The following SELP variants were observed in gnomAD, a reference collection of about 807,000 sequenced individuals.
SELP encodes the protein P-selectin.
In SELP, 92 loss-of-function variants were observed where a neutral mutation model predicts 104.1. The observed-to-expected ratio is 0.88, with a 90% CI of 0.75 to 1.05. The LOEUF (loss-of-function observed/expected upper bound fraction) is 1.05, where lower values mean the gene tolerates loss of function less well. Among genes scored for constraint, SELP ranks in the 50% least tolerant of loss-of-function variants. The pLI, the probability that SELP is intolerant of heterozygous loss-of-function variation, is 0.00. For synonymous variants in SELP, 397 were observed against 364.5 expected (o/e 1.09, Z -1.01); for missense variants, 1,022 against 1,017.3 (o/e 1.00, Z -0.06).
chr1:169,593,123 G>T (rs1476818894), intron 14 of SELP, among the ~76,000 whole-genome samples: 2 of 152,126 alleles, frequency 1.3e-5, no homozygotes, highest in African/African-American at 4.8e-5. Context: ...GATTTCACCT[G>T]TCTCCCCTAC....
At chr1:169,610,819 A>C (rs1310980004) in intron 7 of SELP, among the ~76,000 whole-genome samples, 11 of 148,632 alleles carry the variant, frequency 7.4e-5, no homozygotes, top group Non-Finnish European at 1.2e-4. Flanking sequence ...AACAAACAAA[A>C]ACACCAAAAT....
At position 169,596,315 on chromosome 1, in the gene SELP, A is replaced by G. The variant is rs139448505; in HGVS notation, c.1892-181T>C. Among the ~76,000 whole-genome samples, 331 of 152,344 alleles carry G rather than the reference A, an allele frequency of 2.2e-3. 3 individuals are homozygous for G. The highest frequency in any genetic ancestry group is 3.6e-3 in the Non-Finnish European group (247 of 68,026). On this transcript the variant is annotated intron_variant, in intron 11 of 16. Transcript: ENST00000263686. ...CAGAGATAGAAAACCAGATGAGGAAAATTATTAAAAATCATCCTTGAGGAG... is the reference window on the plus strand; with the variant it reads ...CAGAGATAGAAAACCAGATGAGGAAGATTATTAAAAATCATCCTTGAGGAG...
intron 6 of SELP, among the ~76,000 whole-genome samples, chr1:169,611,999 G>A (rs1662561078): frequency 6.6e-6 from 1 of 152,106 alleles, no homozygotes; most frequent in South Asian, 2.1e-4. Flanking sequence ...TTATGAATGA[G>A]GCCATTCTGA....
At chr1:169,629,068 A>ACC (rs1235960507) in intron 1 of SELP, among the ~76,000 whole-genome samples, 1 of 152,240 alleles carries the variant, frequency 6.6e-6, no homozygotes, top group East Asian at 1.9e-4. Context: ...ATAGCCACAG[A>ACC]CTGCAGGATT....
chr1:169,607,172 T>A, intron 8 of SELP, 38 bp from the exon 9 acceptor site: 6 of 1,475,982 alleles, frequency 4.1e-6, no homozygotes, highest in Non-Finnish European at 5.5e-6. Context: ...GAAACAGTAA[T>A]ACACATGTAC....
intron 3 of SELP, among the ~76,000 whole-genome samples, chr1:169,616,194 C>G (rs1433930552): frequency 1.3e-5 from 2 of 152,192 alleles, no homozygotes; most frequent in African/African-American, 4.8e-5. Context: ...CCTGCCCACT[C>G]CCCACCACTA....
chr1:169,597,456 T>C (rs536493036), intron 10 of SELP, among the ~76,000 whole-genome samples: 1 of 152,232 alleles, frequency 6.6e-6, no homozygotes, highest in African/African-American at 2.4e-5. Flanking sequence ...AATGTCACCC[T>C]ATTTTCTCTA....
rs1662583405 is a variant in SELP, at chr1:169,612,337, C to T, written c.841G>A (p.Ala281Thr). 6.2e-7 allele frequency: 1 copy of T among 1,614,014 alleles called. No homozygotes were observed. The change falls in exon 6 of 17, where the codon GCA becomes ACA. Residue 281 changes from alanine to threonine, a missense_variant. By Grantham distance (58) the Ala-to-Thr change is moderately conservative. Transcript: ENST00000263686. ...GNMTCLHSAK[A>T]FQHQSSCSFS... is the part of the protein sequence containing the mutation. ...CTGCAGCTAGACTGATGCTGGAATG[C>T]TTTTGCAGAATGAAGGCAGGTCATG...
At chr1:169,592,273 A>G (rs1321335123) in intron 14 of SELP, among the ~76,000 whole-genome samples, 1 of 152,180 alleles carries the variant, frequency 6.6e-6, no homozygotes, top group Non-Finnish European at 1.5e-5. Context: ...AGAGTATATG[A>G]AGGAAATTTG....
At chr1:169,608,647 T>C (rs1428952766) in intron 8 of SELP, among the ~76,000 whole-genome samples, 1 of 152,178 alleles carries the variant, frequency 6.6e-6, no homozygotes, top group Non-Finnish European at 1.5e-5. Context: ...ACATTTTAAC[T>C]GTTGTGATTA....
rs3917723 is a variant in SELP at position 169,612,841 on chromosome 1, C to T, written c.775+88G>A. 900 of 1,153,864 alleles carry T rather than the reference C, an allele frequency of 7.8e-4. 7 individuals are homozygous for T. In the African/African-American group the frequency reaches 0.012, roughly 16 times the overall value. 71.5% of individuals were successfully genotyped at this position (1,153,864 alleles called of 1,614,324 possible). A position where few individuals can be genotyped will look rare whatever the true frequency, so the allele number is the denominator to read the frequency against. On this transcript the variant is annotated intron_variant, in intron 5 of 16. Transcript: ENST00000263686. ...TCTAACCTAGATGGTCATTATTTCTCACATTTTTTAATGGAGAAAGCTCAT... is the reference window on the plus strand; with the variant it reads ...TCTAACCTAGATGGTCATTATTTCTTACATTTTTTAATGGAGAAAGCTCAT...
intron 10 of SELP, among the ~76,000 whole-genome samples, chr1:169,599,876 AC>A (rs1571630648): frequency 6.6e-6 from 1 of 151,956 alleles, no homozygotes; most frequent in South Asian, 2.1e-4. Flanking sequence ...TGGAACCAGG[AC>A]CCCTCCCCAC....
chr1:169,608,777 T>C (rs534472425), intron 8 of SELP, among the ~76,000 whole-genome samples: 8 of 151,932 alleles, frequency 5.3e-5, no homozygotes, highest in Admixed American at 5.2e-4. Context: ...TGCTCAGAGG[T>C]CTCCGTAAAT....
At chr1:169,601,917 C>A (rs778339574) in intron 10 of SELP, among the ~76,000 whole-genome samples, 1 of 152,106 alleles carries the variant, frequency 6.6e-6, no homozygotes, top group Non-Finnish European at 1.5e-5. Flanking sequence ...CTCATTATTA[C>A]TAACTCTACA....
At chr1:169,610,140 CCTGAAAAGAGT>C (rs1557961161) in intron 7 of SELP, among the ~76,000 whole-genome samples, 29 of 151,540 alleles carry the variant, frequency 1.9e-4, no homozygotes, top group Non-Finnish European at 2.7e-4. Flanking sequence ...TGAAATTGAA[CCTGAAAAGAGT>C]ATATACAGGA....
intron 1 of SELP, among the ~76,000 whole-genome samples, chr1:169,624,887 C>T (rs1663302011): frequency 6.6e-6 from 1 of 152,206 alleles, no homozygotes; most frequent in Non-Finnish European, 1.5e-5. Flanking sequence ...TGGCTTGCCA[C>T]GTTCCAGGTG....
At position 169,612,387 on chromosome 1, in the gene SELP, G is replaced by C; in HGVS notation, c.791C>G (p.Pro264Arg). ...GTTTCCTCGTTCAGGAATCTTCAGG[G>C]GTGGGCACTGGGCAGCTAAAACCAA... ...PPQCLAAQCP[P>R]LKIPERGNMT... The change falls in exon 6 of 17, where the codon CCC becomes CGC. Residue 264 changes from proline to arginine, a missense_variant. Pro to Arg is a moderately radical substitution (Grantham distance 103). Coordinates refer to ENST00000263686, the MANE Select transcript of SELP (RefSeq NM_003005.4). 1 of 1,614,066 alleles carries C rather than the reference G, an allele frequency of 6.2e-7. No individual in the cohort carries two copies. Among genetic ancestry groups the C allele is most frequent in the Non-Finnish European group, 8.5e-7 (1 of 1,179,992 alleles).
Position 169,603,143 on chromosome 1 carries a change from A to C in SELP, c.1588T>G (p.Ser530Ala), listed in dbSNP as rs542616012. 6.2e-7 allele frequency: 1 copy of C among 1,614,108 alleles called. No homozygotes were observed. Among genetic ancestry groups the C allele is most frequent in the African/African-American group, 1.3e-5 (1 of 75,026 alleles). ...AATTGACATGTGGATTTATAACTGG[A>C]ACTTCCAAGAGGTTGAACACAGGTC... ...TMTCVQPLGSSSYKSTCQFIC... is the reference protein window; with the variant it reads ...TMTCVQPLGSASYKSTCQFIC... The change falls in exon 10 of 17, where the codon TCC becomes GCC. Residue 530 changes from serine (S) to alanine (A), a missense_variant. Coordinates refer to ENST00000263686, the MANE Select transcript of SELP (RefSeq NM_003005.4).
chr1:169,605,674 G>T (rs947705926), intron 9 of SELP, among the ~76,000 whole-genome samples: 1 of 152,102 alleles, frequency 6.6e-6, no homozygotes, highest in Non-Finnish European at 1.5e-5. Context: ...TGTTAAAATT[G>T]TATATACATC....
Sources: gnomAD v4.1 joint callset for allele counts (sites outside exome capture counted in the v4.1 genomes callset) on GRCh38, gnomAD v4.1.1 for gene constraint, MANE v1.5 for transcripts, NCBI Gene and HGNC (gene_info 2026-07-23, HGNC 2026-07-21) for gene names.